Variants in PCED1A observed in about 807,000 individuals in gnomAD.
PCED1A encodes the protein PC-esterase domain containing 1A.
PCED1A carries 20 observed loss-of-function variants against 41.9 expected under a neutral mutation model. The observed-to-expected ratio is 0.48, with a 90% CI of 0.34 to 0.69. The LOEUF (loss-of-function observed/expected upper bound fraction) is 0.69. PCED1A is among the 30% of genes least tolerant of loss of function. The pLI, the probability that PCED1A is intolerant of heterozygous loss-of-function variation, is 0.01. For synonymous variants in PCED1A, 236 were observed against 241.3 expected, an observed-to-expected ratio of 0.98 and a Z score of 0.20; for missense variants, 498 against 602.1, an observed-to-expected ratio of 0.83 and a Z score of 1.81.
intron 7 of PCED1A, 143 bp downstream of exon 7, chr20:2,835,893 AGAT>A (rs534603675): frequency 5.6e-6 from 8 of 1,436,980 alleles, no homozygotes; most frequent in Non-Finnish European, 7.3e-6. Flanking sequence ...ATGAACCTAC[AGAT>A]GATGTTTCAG....
upstream of PCED1A, chr20:2,840,764 C>T (rs1000523206): frequency 2.2e-5 from 34 of 1,548,030 alleles, no homozygotes; most frequent in Non-Finnish European, 2.9e-5. Flanking sequence ...CAGCTGCCGT[C>T]TGCACCAGCC....
upstream of PCED1A, chr20:2,840,848 G>A: frequency 1.3e-6 from 1 of 754,092 alleles, no homozygotes; most frequent in South Asian, 1.5e-5. Flanking sequence ...CCGCCCTCCC[G>A]CCCACGGCCT....
chr20:2,839,959 G>A (rs747622631), intron 1 of PCED1A, 26 bp from the exon 2 acceptor site: 1 of 1,582,302 alleles, frequency 6.3e-7, no homozygotes, highest in Non-Finnish European at 8.6e-7. Context: ...ACTAAGCAGC[G>A]CGATGGTGGG....
At chr20:2,836,928 TTC>T (rs2088845423) in intron 6 of PCED1A, among the ~76,000 whole-genome samples, 1 of 152,174 alleles carries the variant, frequency 6.6e-6, no homozygotes, top group African/African-American at 2.4e-5. Context: ...ATGAGCATCG[TTC>T]TGTCTCCCTC....
rs934410049 is a variant in PCED1A, at chr20:2,840,352, A to C, written c.-163T>G. 1 of 272,638 alleles carries C rather than the reference A, an allele frequency of 3.7e-6. No homozygotes were observed. The highest frequency in any genetic ancestry group is 2.3e-5 in the African/African-American group (1 of 43,938). The allele number at this position is 272,638 out of a possible 1,614,324, so 16.9% of individuals were successfully genotyped here. On this transcript the variant is annotated 5_prime_UTR_variant, in exon 1 of 8. Coordinates refer to ENST00000360652, the MANE Select transcript of PCED1A (RefSeq NM_022760.6). Reference sequence around the variant, plus strand: ...CGGTTCTGCAAAGCTCCCGCCCCGCAGAGACCGTGGGTCCAGGTTAGCCGT... The same window carrying C: ...CGGTTCTGCAAAGCTCCCGCCCCGCCGAGACCGTGGGTCCAGGTTAGCCGT...
chr20:2,840,754 C>T (rs2297046), upstream of PCED1A: 93,272 of 1,547,656 alleles, frequency 0.06, 3,124 homozygotes, highest in East Asian at 0.1. Context: ...CGGTGCTTCC[C>T]AGCTGCCGTC....
rs2088950334 is a variant in PCED1A at position 2,840,586 on chromosome 20, T to G, written c.-397A>C. The stretch of plus-strand genomic sequence containing the variant: ...CGCAGGAGCCAGGGCTGGGCCCACT[T>G]GGCGGGCGCGAAGCCCAGGTACGGG... On this transcript the variant is annotated 5_prime_UTR_variant, in exon 1 of 8. Coordinates refer to ENST00000360652, the MANE Select transcript of PCED1A (RefSeq NM_022760.6). 1.6e-6 allele frequency: 1 copy of G among 636,016 alleles called. No homozygotes were observed. Among genetic ancestry groups the G allele is most frequent in the Non-Finnish European group, 2.7e-6 (1 of 366,272 alleles). The allele number at this position is 636,016 out of a possible 1,614,324, so 39.4% of individuals were successfully genotyped here. A position where few individuals can be genotyped will look rare whatever the true frequency, so the allele number is the denominator to read the frequency against.
In PCED1A at chr20:2,839,084, T is replaced by TTGGGCCCCCCC; in HGVS notation, c.205-3_205-2insGGGGGGGCCCA. 1.4e-6 allele frequency: 1 copy of TTGGGCCCCCCC among 725,284 alleles called. No individual in the cohort carries two copies. The highest frequency in any genetic ancestry group is 1.9e-6 in the Non-Finnish European group (1 of 522,252). The allele number at this position is 725,284 out of a possible 1,614,324, so 44.9% of individuals were successfully genotyped here. On this transcript the variant is annotated splice_region_variant and splice_polypyrimidine_tract_variant and intron_variant, in intron 3 of 7. Transcript: ENST00000360652. ...GTCCTGTTCAAAGCTCAGCTCCCCC[T>TTGGGCCCCCCC]ACCCACCCCCCCCACCCTACTGGTC...
chr20:2,839,699 A>C, intron 2 of PCED1A, 90 bp downstream of exon 2: 10 of 1,543,258 alleles, frequency 6.5e-6, no homozygotes, highest in Non-Finnish European at 7.9e-6. Flanking sequence ...AAGACAGACA[A>C]GAGATGTGAG....
chr20:2,836,006 A>C, intron 7 of PCED1A, 33 bp downstream of exon 7: 1 of 1,465,496 alleles, frequency 6.8e-7, no homozygotes, highest in Non-Finnish European at 9.0e-7. Flanking sequence ...AAGGGGAGGT[A>C]CAAGAGGGTG....
chr20:2,841,074 A>C (rs2088965803), upstream of PCED1A: 1 of 547,034 alleles, frequency 1.8e-6, no homozygotes, highest in African/African-American at 2.0e-5. Context: ...TAGCCTCCGG[A>C]AAGATGCTCA....
intron 6 of PCED1A, among the ~76,000 whole-genome samples, chr20:2,837,916 G>A (rs1377257902): frequency 1.3e-5 from 2 of 152,092 alleles, no homozygotes; most frequent in Non-Finnish European, 2.9e-5. Flanking sequence ...TCACACCCAT[G>A]CCCCATTTCT....
In PCED1A at chr20:2,840,632, C is replaced by A. The variant is rs2088952153; in HGVS notation, c.-443G>T. On this transcript the variant is annotated 5_prime_UTR_variant, in exon 1 of 8. Transcript: ENST00000360652. Reference sequence around the variant, plus strand: ...ACGGGCTGGGGTCTCGGGGCGGCAGCCAAGTGAGGCTGCCCACAGTGGTGA... The same window carrying A: ...ACGGGCTGGGGTCTCGGGGCGGCAGACAAGTGAGGCTGCCCACAGTGGTGA... 2.2e-6 allele frequency: 2 copies of A among 903,494 alleles called. No individual in the cohort carries two copies. Among genetic ancestry groups the A allele is most frequent in the Non-Finnish European group, 3.5e-6 (2 of 576,848 alleles). The allele number at this position is 903,494 out of a possible 1,614,324, so 56.0% of individuals were successfully genotyped here.
In PCED1A at chr20:2,836,136, C is replaced by T; in HGVS notation, c.1020G>A (p.Leu340=). 1 of 1,557,672 alleles carries T rather than the reference C, an allele frequency of 6.4e-7. No individual in the cohort carries two copies. Among genetic ancestry groups the T allele is most frequent in the Non-Finnish European group, 8.7e-7 (1 of 1,155,114 alleles). Residue 340 remains leucine (L), a synonymous_variant, in exon 7 of 8, where the codon CTG becomes CTA. Coordinates refer to ENST00000360652, the MANE Select transcript of PCED1A (RefSeq NM_022760.6). ...CTGGGAAAAAAGGGGTATCCTGGGG[C>T]AGGGGTGGGAAGAGGGGAGGTGGCG... ...QPSPPPLFPP[L]PQDTPFFPGQ...
Position 2,838,924 on chromosome 20 carries a change from A to G in PCED1A, c.363T>C (p.Leu121=). Residue 121 remains leucine (L), a synonymous_variant, in exon 4 of 8, where the codon CTT becomes CTC. Transcript: ENST00000360652. This position sits in a 1 kb window ranked among gnomAD's most constrained non-coding sequence, Gnocchi z 5.8. ...ATGTCAGCTCTTCCAGAACATCCTC[A>G]AGGTACTCGGAGTAAACACGAGTGA... The part of the protein sequence containing the change: ...YFLTRVYSEY[L]EDVLEELTYG... 1 of 1,613,976 alleles carries G rather than the reference A, an allele frequency of 6.2e-7. No homozygotes were observed. Among genetic ancestry groups the G allele is most frequent in the Non-Finnish European group, 8.5e-7 (1 of 1,180,010 alleles).
At chr20:2,837,666 C>T (rs2088858505) in intron 6 of PCED1A, among the ~76,000 whole-genome samples, 1 of 151,864 alleles carries the variant, frequency 6.6e-6, no homozygotes, top group Admixed American at 6.6e-5. Flanking sequence ...CACCAAAGGC[C>T]CAGAGATGGG....
intron 2 of PCED1A, 79 bp downstream of exon 2, chr20:2,839,710 A>G: frequency 6.4e-7 from 1 of 1,563,840 alleles, no homozygotes; most frequent in South Asian, 1.2e-5. Context: ...GAGATGTGAG[A>G]TGGAAACAAA....
rs912833602 is a variant in PCED1A, at chr20:2,835,912, G to C, written c.1117+127C>G. The C allele has an allele frequency of 2.3e-5, 33 of 1,441,878 alleles. No individual in the cohort carries two copies. In the Admixed American group the frequency reaches 4.1e-4, roughly 18 times the overall value. 89.3% of individuals were successfully genotyped at this position (1,441,878 alleles called of 1,614,324 possible). On this transcript the variant is annotated intron_variant, in intron 7 of 7. Coordinates refer to ENST00000360652, the MANE Select transcript of PCED1A (RefSeq NM_022760.6). ...ACCTACAGATGATGTTTCAGACTCA[G>C]GGACTGCTGTGACCAAACCCAGTGC...
chr20:2,836,011 A>G, intron 7 of PCED1A, 28 bp downstream of exon 7: 1 of 1,465,466 alleles, frequency 6.8e-7, no homozygotes, highest in South Asian at 1.4e-5. Context: ...GAGGTACAAG[A>G]GGGTGGGGGA....
Sources: allele counts gnomAD v4.1 joint callset (sites outside exome capture counted in the v4.1 genomes callset), GRCh38; gene constraint gnomAD v4.1.1; non-coding constraint Gnocchi (gnomAD v3.1); transcripts MANE v1.5; gene names NCBI Gene and HGNC (gene_info 2026-07-23, HGNC 2026-07-21).